FSTL5: variants seen among roughly 807,000 people sequenced by gnomAD.
The protein encoded by FSTL5 is follistatin like 5, also known as follistatin-related protein 5.
Under a neutral mutation model 89.1 loss-of-function variants are expected in FSTL5, and 62 were observed. That is an observed-to-expected ratio of 0.70 (90% confidence interval 0.57 to 0.86). The LOEUF (loss-of-function observed/expected upper bound fraction) is 0.86. FSTL5 is among the 40% of genes least tolerant of loss of function. The pLI, the probability that FSTL5 is intolerant of heterozygous loss-of-function variation, is 0.00. For synonymous variants in FSTL5, 383 were observed against 346.2 expected (o/e 1.11, Z -1.18); for missense variants, 1,057 against 1,001.6 (o/e 1.06, Z -0.75).
chr4:161,493,493 A>G (rs573873395), intron 12 of FSTL5, among the ~76,000 whole-genome samples: 154 of 151,936 alleles, frequency 1.0e-3, no homozygotes, highest in African/African-American at 3.3e-3. Flanking sequence ...TACCTTGAAA[A>G]GATAGGTACT....
intron 12 of FSTL5, among the ~76,000 whole-genome samples, chr4:161,497,867 GTCA>G (rs1272416480): frequency 1.3e-5 from 2 of 151,674 alleles, no homozygotes; most frequent in African/African-American, 4.8e-5. Context: ...AGTTAAAGTT[GTCA>G]TCATTCATAT....
At chr4:161,969,051 C>T (rs1735408221) in intron 3 of FSTL5, among the ~76,000 whole-genome samples, 1 of 151,630 alleles carries the variant, frequency 6.6e-6, no homozygotes, top group Middle Eastern at 3.4e-3. Flanking sequence ...GATGACCTGG[C>T]CATGAAAGTT....
chr4:161,484,475 T>C (rs1306131606), intron 12 of FSTL5, among the ~76,000 whole-genome samples: 1 of 152,172 alleles, frequency 6.6e-6, no homozygotes, highest in Non-Finnish European at 1.5e-5. Context: ...GCCCCATAAA[T>C]TTAAGAAACA....
Position 161,914,161 on chromosome 4 carries a change from G to A in FSTL5, c.409+6243C>T, listed in dbSNP as rs147307138. Reference sequence around the variant, plus strand: ...TAGAAGAAAAAATATTTGAACTGACGAAATGTTCTTGTTTTTTTATGTCAC... The same window carrying A: ...TAGAAGAAAAAATATTTGAACTGACAAAATGTTCTTGTTTTTTTATGTCAC... On this transcript the variant is annotated intron_variant, in intron 4 of 15. Coordinates refer to ENST00000306100, the MANE Select transcript of FSTL5 (RefSeq NM_020116.5). 9.2e-3 allele frequency among the ~76,000 whole-genome samples: 1,399 copies of A among 152,188 alleles called. 26 individuals carry two copies. Among genetic ancestry groups the A allele is most frequent in the African/African-American group, 0.032 (1,329 of 41,522 alleles).
intron 6 of FSTL5, among the ~76,000 whole-genome samples, chr4:161,668,009 T>C (rs1736961026): frequency 6.6e-6 from 1 of 151,318 alleles, no homozygotes; most frequent in Non-Finnish European, 1.5e-5. Flanking sequence ...GTATGCAGGG[T>C]AAAAGAAAGA....
chr4:161,643,473 T>A (rs1013929373), intron 7 of FSTL5, among the ~76,000 whole-genome samples: 1 of 118,124 alleles, frequency 8.5e-6, no homozygotes, highest in Admixed American at 8.6e-5. Flanking sequence ...GTAACGGAGT[T>A]TTTTTTTTTT....
intron 3 of FSTL5, among the ~76,000 whole-genome samples, chr4:162,033,362 A>C (rs565948648): frequency 4.5e-4 from 69 of 152,226 alleles, no homozygotes; most frequent in African/African-American, 1.6e-3. Context: ...GAGTTCAACC[A>C]CCACAATATA....
At chr4:161,970,088 T>C (rs1034016075) in intron 3 of FSTL5, among the ~76,000 whole-genome samples, 14 of 152,174 alleles carry the variant, frequency 9.2e-5, no homozygotes, top group East Asian at 1.9e-4. Context: ...AATGTTTTGA[T>C]TGATTTGTTT....
intron 6 of FSTL5, among the ~76,000 whole-genome samples, chr4:161,671,222 T>C (rs1220182526): frequency 1.3e-5 from 2 of 152,216 alleles, no homozygotes; most frequent in Non-Finnish European, 2.9e-5. Flanking sequence ...CTCAGGTAGA[T>C]TGCAGAAGAG....
chr4:162,126,387 G>C (rs1732081995), intron 1 of FSTL5, among the ~76,000 whole-genome samples: 1 of 152,050 alleles, frequency 6.6e-6, no homozygotes, highest in Non-Finnish European at 1.5e-5. Flanking sequence ...CAAATGTCTT[G>C]TGGCATTTAA....
At chr4:161,473,377 G>A (rs955112785) in intron 13 of FSTL5, among the ~76,000 whole-genome samples, 5 of 147,474 alleles carry the variant, frequency 3.4e-5, no homozygotes, top group African/African-American at 1.2e-4. Context: ...CTGTATTGCT[G>A]TATTGATTTT....
chr4:161,592,487 T>C (rs1449203348), intron 7 of FSTL5, among the ~76,000 whole-genome samples: 2 of 151,798 alleles, frequency 1.3e-5, no homozygotes, highest in Admixed American at 1.3e-4. Context: ...ATGTGTTCTA[T>C]TGTTCAACTC....
At chr4:162,093,735 A>AG (rs1730641514) in intron 2 of FSTL5, among the ~76,000 whole-genome samples, 1 of 152,182 alleles carries the variant, frequency 6.6e-6, no homozygotes, top group Non-Finnish European at 1.5e-5. Context: ...TTTTAACCAC[A>AG]AACTTCTGTG....
intron 13 of FSTL5, among the ~76,000 whole-genome samples, chr4:161,467,067 G>A (rs1453133365): frequency 6.6e-6 from 1 of 151,798 alleles, no homozygotes; most frequent in Non-Finnish European, 1.5e-5. Context: ...GGGATCAGTT[G>A]GACTGGACTG....
chr4:161,825,985 G>A (rs1293289728), intron 4 of FSTL5, among the ~76,000 whole-genome samples: 1 of 151,712 alleles, frequency 6.6e-6, no homozygotes, highest in Non-Finnish European at 1.5e-5. Context: ...GTCTATTTGT[G>A]CTTTTTCAGA....
chr4:161,762,293 A>G (rs972972199), intron 5 of FSTL5, among the ~76,000 whole-genome samples: 22 of 152,168 alleles, frequency 1.4e-4, no homozygotes, highest in Non-Finnish European at 2.9e-5. Flanking sequence ...TACAGTCATG[A>G]GTATTTGATG....
intron 2 of FSTL5, among the ~76,000 whole-genome samples, chr4:162,068,421 G>A (rs191302104): frequency 1.8e-4 from 28 of 152,110 alleles, no homozygotes; most frequent in African/African-American, 6.5e-4. Flanking sequence ...TCTGATCTTC[G>A]ACAAACCTAT....
chr4:161,724,129 A>G (rs968659448), intron 6 of FSTL5, among the ~76,000 whole-genome samples: 2 of 152,142 alleles, frequency 1.3e-5, no homozygotes, highest in African/African-American at 4.8e-5. Context: ...TAGATTTGAT[A>G]ATGCAAAAAT....
intron 7 of FSTL5, among the ~76,000 whole-genome samples, chr4:161,635,367 G>A (rs866352211): frequency 2.0e-5 from 3 of 152,042 alleles, no homozygotes; most frequent in African/African-American, 4.8e-5. Context: ...CAGCCTGGGC[G>A]ATAGAGTGAG....
Sources: gnomAD v4.1 joint callset for allele counts (sites outside exome capture counted in the v4.1 genomes callset) on GRCh38, gnomAD v4.1.1 for gene constraint, MANE v1.5 for transcripts, NCBI Gene and HGNC (gene_info 2026-07-23, HGNC 2026-07-21) for gene names.